The following ZNF385B variants were observed in gnomAD, a reference collection of about 807,000 sequenced individuals.
ZNF385B encodes zinc finger protein 533.
In ZNF385B, 23 loss-of-function variants were observed where a neutral mutation model predicts 39.2. The observed-to-expected ratio is 0.59, with a 90% CI of 0.42 to 0.83. The LOEUF (loss-of-function observed/expected upper bound fraction) is 0.83, where lower values mean the gene tolerates loss of function less well. Ranked by LOEUF, ZNF385B falls within the 40% of genes least tolerant of loss-of-function variation. The pLI is 0.00. For synonymous variants in ZNF385B, 205 were observed against 222.6 expected (o/e 0.92, Z 0.70); for missense variants, 552 against 598.9 (o/e 0.92, Z 0.82).
At chr2:179,557,098 T>C (rs560478566) in intron 3 of ZNF385B, among the ~76,000 whole-genome samples, 1 of 149,458 alleles carries the variant, frequency 6.7e-6, no homozygotes, top group African/African-American at 2.5e-5. Flanking sequence ...TCATTTTGTA[T>C]AACAAAAATG....
At chr2:179,505,604 T>C (rs919131794) in intron 5 of ZNF385B, among the ~76,000 whole-genome samples, 2 of 152,152 alleles carry the variant, frequency 1.3e-5, no homozygotes, top group Non-Finnish European at 2.9e-5. Context: ...TGAAAATTAC[T>C]TTTCAGAGAA....
intron 1 of ZNF385B, among the ~76,000 whole-genome samples, chr2:179,782,354 T>C (rs1339703094): frequency 1.3e-5 from 2 of 152,212 alleles, no homozygotes; most frequent in African/African-American, 4.8e-5. Context: ...AAGAGCCATC[T>C]ATGACAAACC....
At chr2:179,540,437 ACT>A (rs1219385626) in intron 4 of ZNF385B, among the ~76,000 whole-genome samples, 1 of 152,100 alleles carries the variant, frequency 6.6e-6, no homozygotes, top group Non-Finnish European at 1.5e-5. Flanking sequence ...CAAGAGTGAA[ACT>A]CTGTCTCAAA....
Position 179,655,053 on chromosome 2 carries a change from G to A in ZNF385B, c.299-110084C>T, listed in dbSNP as rs150400310. ...TTTGTCTACCCTGGAAAACTCTGCC[G>A]TTTCAACTCTCTGGAAAGCTAGGAA... is the stretch of plus-strand genomic sequence containing the variant. On this transcript the variant is annotated intron_variant, in intron 3 of 9. Coordinates refer to ENST00000410066, the MANE Select transcript of ZNF385B (RefSeq NM_152520.6). Among the ~76,000 whole-genome samples the A allele has an allele frequency of 5.3e-3, 808 of 152,222 alleles. 5 individuals carry two copies. The highest frequency in any genetic ancestry group is 0.018 in the African/African-American group (743 of 41,548).
chr2:179,638,790 T>TG (rs2106212702), intron 3 of ZNF385B, among the ~76,000 whole-genome samples: 1 of 152,062 alleles, frequency 6.6e-6, no homozygotes, highest in South Asian at 2.1e-4. Context: ...GAATGTACCA[T>TG]GGGGGATGAG....
intron 3 of ZNF385B, among the ~76,000 whole-genome samples, chr2:179,673,264 A>G (rs1049695490): frequency 6.6e-6 from 1 of 152,206 alleles, no homozygotes; most frequent in Non-Finnish European, 1.5e-5. Flanking sequence ...GTGCATCCTC[A>G]ACCCATGGCT....
intron 1 of ZNF385B, among the ~76,000 whole-genome samples, chr2:179,847,435 T>C (rs1037724917): frequency 5.9e-5 from 9 of 152,210 alleles, no homozygotes; most frequent in Non-Finnish European, 1.2e-4. Flanking sequence ...TCCTACTTGT[T>C]TCACACATGT....
At chr2:179,761,761 C>CTT (rs34325728) in intron 3 of ZNF385B, among the ~76,000 whole-genome samples, 38 of 110,276 alleles carry the variant, frequency 3.4e-4, no homozygotes, top group South Asian at 1.2e-3. Flanking sequence ...TTTTTCTTTT[C>CTT]TTTTTTTTTT....
intron 3 of ZNF385B, among the ~76,000 whole-genome samples, chr2:179,576,701 A>G (rs993987926): frequency 1.3e-5 from 2 of 152,180 alleles, no homozygotes; most frequent in African/African-American, 2.4e-5. Context: ...CATAAATTCT[A>G]TATAGTCTAT....
intron 3 of ZNF385B, among the ~76,000 whole-genome samples, chr2:179,605,859 A>T (rs1371300356): frequency 1.3e-5 from 2 of 152,122 alleles, no homozygotes; most frequent in African/African-American, 4.8e-5. Context: ...AAGGCAGTAG[A>T]CACAATGAGA....
rs546163895 is a variant in ZNF385B at position 179,787,548 on chromosome 2, A to C, written c.-154-16876T>G. On this transcript the variant is annotated intron_variant, in intron 1 of 9. Coordinates refer to ENST00000410066, the MANE Select transcript of ZNF385B (RefSeq NM_152520.6). Reference sequence around the variant, plus strand: ...GACTACTGTGTAAATGGCTGTGGCCACTATTGGGTATTTACATTGAAAGCC... The same window carrying C: ...GACTACTGTGTAAATGGCTGTGGCCCCTATTGGGTATTTACATTGAAAGCC... Among the ~76,000 whole-genome samples the C allele has an allele frequency of 1.2e-4, 18 of 152,316 alleles. No individual in the cohort carries two copies. In the South Asian group the frequency reaches 3.7e-3, roughly 32 times the overall value.
intron 3 of ZNF385B, among the ~76,000 whole-genome samples, chr2:179,570,328 T>G (rs964210475): frequency 3.3e-5 from 5 of 152,186 alleles, no homozygotes; most frequent in African/African-American, 1.2e-4. Flanking sequence ...AATCTGTACA[T>G]TTCTGTGATC....
chr2:179,524,829 T>C (rs1172190356), intron 4 of ZNF385B, among the ~76,000 whole-genome samples: 1 of 152,106 alleles, frequency 6.6e-6, no homozygotes, highest in East Asian at 1.9e-4. Context: ...ACCCATACTT[T>C]GGGTTTTTTT....
chr2:179,818,341 T>A (rs1707199320), intron 1 of ZNF385B, among the ~76,000 whole-genome samples: 1 of 152,200 alleles, frequency 6.6e-6, no homozygotes, highest in Admixed American at 6.5e-5. Context: ...CAGCAGGGCA[T>A]GGAGGATTCA....
At chr2:179,702,616 T>C (rs1699293519) in intron 3 of ZNF385B, among the ~76,000 whole-genome samples, 1 of 152,204 alleles carries the variant, frequency 6.6e-6, no homozygotes, top group Admixed American at 6.5e-5. Flanking sequence ...TATCAAATAA[T>C]GAGACTGGTT....
chr2:179,640,439 C>G (rs1003332564), intron 3 of ZNF385B, among the ~76,000 whole-genome samples: 1 of 151,650 alleles, frequency 6.6e-6, no homozygotes, highest in Non-Finnish European at 1.5e-5. Flanking sequence ...AATGTATGAA[C>G]AAAACTATAT....
Position 179,466,229 on chromosome 2 carries a change from C to T in ZNF385B, c.715+17043G>A, listed in dbSNP as rs1324471054. ...ACAGGGTCATAACAACAAACACATTCCTTTGTGGCAGGTCTAGTATTTTGA... is the reference window on the plus strand; with the variant it reads ...ACAGGGTCATAACAACAAACACATTTCTTTGTGGCAGGTCTAGTATTTTGA... On this transcript the variant is annotated intron_variant, in intron 6 of 9. Transcript: ENST00000410066. Among the ~76,000 whole-genome samples, 3 of 152,232 alleles carry T rather than the reference C, an allele frequency of 2.0e-5. No homozygotes were observed. The East Asian group carries it at 5.8e-4, about 29-fold the overall frequency.
chr2:179,759,943 T>C (rs1452830114), intron 3 of ZNF385B, among the ~76,000 whole-genome samples: 3 of 152,196 alleles, frequency 2.0e-5, no homozygotes, highest in Non-Finnish European at 4.4e-5. Context: ...ATCATTATTA[T>C]AAATTTTAAC....
intron 3 of ZNF385B, among the ~76,000 whole-genome samples, chr2:179,566,077 G>A (rs1684538094): frequency 2.0e-5 from 3 of 152,156 alleles, no homozygotes; most frequent in Admixed American, 1.3e-4. Context: ...GTAGGCGTAA[G>A]GGAATAGCAT....
Sources: gnomAD v4.1 joint callset for allele counts (sites outside exome capture counted in the v4.1 genomes callset) on GRCh38, gnomAD v4.1.1 for gene constraint, MANE v1.5 for transcripts, NCBI Gene and HGNC (gene_info 2026-07-23, HGNC 2026-07-21) for gene names.